The following PIP5K1B variants were observed in gnomAD, a reference collection of about 807,000 sequenced individuals.
PIP5K1B encodes the protein phosphatidylinositol 4-phosphate 5-kinase type-1 beta.
A neutral mutation model predicts 67.0 loss-of-function variants in PIP5K1B; 42 were observed. That is an observed-to-expected ratio of 0.63 (90% CI 0.49 to 0.81). The LOEUF is 0.81. PIP5K1B is among the 30% of genes least tolerant of loss of function. PIP5K1B has a pLI of 0.00. For missense variants in PIP5K1B, 459 were observed against 646.3 expected (o/e 0.71, Z 3.14); for synonymous variants, 214 against 231.4 (o/e 0.92, Z 0.68).
chr9:68,908,608 A>G (rs1457844315), intron 8 of PIP5K1B, among the ~76,000 whole-genome samples: 1 of 152,154 alleles, frequency 6.6e-6, no homozygotes, highest in Admixed American at 6.5e-5. Context: ...TCTCATTATG[A>G]CATTAGCAAA....
chr9:68,811,933 T>TCAC (rs1370917880), intron 2 of PIP5K1B, among the ~76,000 whole-genome samples: 2 of 152,036 alleles, frequency 1.3e-5, no homozygotes, highest in Non-Finnish European at 2.9e-5. Context: ...CACGCAGAGG[T>TCAC]AGTGATTCCC....
intron 15 of PIP5K1B, among the ~76,000 whole-genome samples, chr9:68,996,204 G>A (rs141073799): frequency 2.0e-5 from 3 of 152,336 alleles, no homozygotes; most frequent in East Asian, 3.9e-4. Context: ...CACATTATGT[G>A]TGTGTGCATT....
At chr9:68,847,468 T>TGTGTGTGTG (rs1308180241) in intron 4 of PIP5K1B, among the ~76,000 whole-genome samples, 3 of 135,092 alleles carry the variant, frequency 2.2e-5, no homozygotes, top group Non-Finnish European at 3.2e-5. Flanking sequence ...TGTGTGTAGG[T>TGTGTGTGTG]GGGGATAACA....
chr9:68,939,027 C>G (rs117364785), intron 13 of PIP5K1B, among the ~76,000 whole-genome samples: 2,872 of 152,332 alleles, frequency 0.019, 37 homozygotes, highest in Non-Finnish European at 0.029. Flanking sequence ...TGCAAAATCC[C>G]TTTTGCTAGG....
chr9:68,885,113 A>AAG (rs1824401999), intron 6 of PIP5K1B, among the ~76,000 whole-genome samples: 1 of 152,256 alleles, frequency 6.6e-6, no homozygotes, highest in African/African-American at 2.4e-5. Context: ...ACACAATGGA[A>AAG]TACTGTTCAG....
chr9:68,712,016 G>A (rs1017308029), intron 1 of PIP5K1B, among the ~76,000 whole-genome samples: 3 of 152,182 alleles, frequency 2.0e-5, no homozygotes, highest in Admixed American at 1.3e-4. Flanking sequence ...CAGTTTTGAC[G>A]TTTGTCCCTT....
At chr9:68,718,543 C>G (rs756281132) in intron 1 of PIP5K1B, among the ~76,000 whole-genome samples, 3 of 152,144 alleles carry the variant, frequency 2.0e-5, no homozygotes, top group African/African-American at 4.8e-5. Context: ...AATAGGGAAC[C>G]CTTGGCTATG....
chr9:68,733,955 A>G (rs1371504322), intron 1 of PIP5K1B, among the ~76,000 whole-genome samples: 1 of 152,116 alleles, frequency 6.6e-6, no homozygotes, highest in African/African-American at 2.4e-5. Context: ...GACTCTTTAA[A>G]GGATCATTTA....
At chr9:68,896,041 A>G (rs915340414) in intron 8 of PIP5K1B, among the ~76,000 whole-genome samples, 1 of 152,140 alleles carries the variant, frequency 6.6e-6, no homozygotes, top group Non-Finnish European at 1.5e-5. Flanking sequence ...GGGAAGGAGC[A>G]GTAGGAACCA....
intron 4 of PIP5K1B, among the ~76,000 whole-genome samples, chr9:68,861,232 T>C (rs533801378): frequency 6.6e-6 from 1 of 152,328 alleles, no homozygotes; most frequent in East Asian, 1.9e-4. Flanking sequence ...CAGGGTTCTT[T>C]TCAAAATCTT....
At chr9:68,726,809 C>T (rs1448503909) in intron 1 of PIP5K1B, among the ~76,000 whole-genome samples, 1 of 152,154 alleles carries the variant, frequency 6.6e-6, no homozygotes, top group Non-Finnish European at 1.5e-5. Context: ...ATGGTATGAT[C>T]GTTCTTTTGA....
At chr9:68,946,404 GT>G (rs371751456) in intron 14 of PIP5K1B, among the ~76,000 whole-genome samples, 3 of 147,514 alleles carry the variant, frequency 2.0e-5, no homozygotes, top group Admixed American at 6.8e-5. Flanking sequence ...TTTGTTTTTT[GT>G]TTTTTTTTTG....
intron 1 of PIP5K1B, among the ~76,000 whole-genome samples, chr9:68,732,281 CA>C (rs1828478554): frequency 6.6e-6 from 1 of 152,160 alleles, no homozygotes; most frequent in South Asian, 2.1e-4. Context: ...GTTTATTTTT[CA>C]ATAAACAAAA....
chr9:68,840,087 T>C (rs1031517304), intron 4 of PIP5K1B, among the ~76,000 whole-genome samples: 1 of 152,112 alleles, frequency 6.6e-6, no homozygotes, highest in African/African-American at 2.4e-5. Flanking sequence ...GTATTGAAAG[T>C]ATTTCACGGC....
chr9:68,891,716 A>C (rs536152718), intron 7 of PIP5K1B, among the ~76,000 whole-genome samples: 1 of 152,274 alleles, frequency 6.6e-6, no homozygotes, highest in Admixed American at 6.5e-5. Context: ...GCAAACCTTC[A>C]TTTTGCTCAT....
intron 1 of PIP5K1B, among the ~76,000 whole-genome samples, chr9:68,719,853 A>G (rs1324520285): frequency 6.6e-6 from 1 of 152,230 alleles, no homozygotes; most frequent in African/African-American, 2.4e-5. Context: ...TGTAAACTTT[A>G]TAGAAGGAAT....
intron 12 of PIP5K1B, among the ~76,000 whole-genome samples, chr9:68,926,933 C>G (rs1235935639): frequency 2.0e-5 from 3 of 152,152 alleles, no homozygotes; most frequent in Non-Finnish European, 4.4e-5. Flanking sequence ...TTAGCAGTCA[C>G]TCCCCATTCC....
chr9:68,720,431 C>T (rs759337748), intron 1 of PIP5K1B, among the ~76,000 whole-genome samples: 3 of 152,152 alleles, frequency 2.0e-5, no homozygotes, highest in Admixed American at 6.5e-5. Context: ...TCTATACTTG[C>T]AGCTGTGCAG....
intron 1 of PIP5K1B, among the ~76,000 whole-genome samples, chr9:68,741,412 G>A (rs1326782446): frequency 6.6e-6 from 1 of 152,154 alleles, no homozygotes; most frequent in Admixed American, 6.6e-5. Flanking sequence ...TGTAAGTACA[G>A]TCAGTTGATT....
Sources: allele counts gnomAD v4.1 joint callset (sites outside exome capture counted in the v4.1 genomes callset), GRCh38; gene constraint gnomAD v4.1.1; transcripts MANE v1.5; gene names NCBI Gene and HGNC (gene_info 2026-07-23, HGNC 2026-07-21).